Variants in CNOT10 observed in about 807,000 individuals in gnomAD.
CNOT10 encodes CCR4-NOT transcription complex subunit 10.
CNOT10 carries 30 observed loss-of-function variants against 94.6 expected under a neutral mutation model. The ratio of observed to expected loss-of-function variants is 0.32; its 90% CI spans 0.24 to 0.43. CNOT10 has a LOEUF of 0.43. Among genes scored for constraint, CNOT10 ranks in the 20% least tolerant of loss-of-function variants. The pLI is 1.00. For synonymous variants in CNOT10, 289 were observed against 301.6 expected (o/e 0.96, Z 0.43); for missense variants, 759 against 877.2 (o/e 0.87, Z 1.70).
At chr3:32,721,592 T>C (rs527525502) in intron 8 of CNOT10, among the ~76,000 whole-genome samples, 1 of 151,632 alleles carries the variant, frequency 6.6e-6, no homozygotes, top group African/African-American at 2.4e-5. Context: ...TTTAGATCAT[T>C]ACCTAGATCA....
intron 1 of CNOT10, 99 bp from the exon 2 acceptor site, chr3:32,703,769 G>T: frequency 1.3e-6 from 1 of 742,762 alleles, no homozygotes; most frequent in South Asian, 1.7e-5. Context: ...TTTCATACTT[G>T]ACCTTGGGTA....
Position 32,773,451 on chromosome 3 carries a change from T to C in CNOT10, c.2081-6T>C. 6.2e-7 allele frequency: 1 copy of C among 1,606,536 alleles called. No individual in the cohort carries two copies. ...CTTTGTTTTTTAACGGGAAGTGTTT[T>C]TATAGGTAATACTCAGCTGGCCTTA... On this transcript the variant is annotated splice_polypyrimidine_tract_variant and splice_region_variant and intron_variant, in intron 18 of 18. Transcript: ENST00000328834.
Position 32,703,363 on chromosome 3 carries a change from G to A in CNOT10, c.23-505G>A, listed in dbSNP as rs921572964. Among the ~76,000 whole-genome samples, 3 of 152,112 alleles carry A rather than the reference G, an allele frequency of 2.0e-5. No homozygotes were observed. In the East Asian group the frequency reaches 5.8e-4, roughly 29 times the overall value. On this transcript the variant is annotated intron_variant, in intron 1 of 18. Transcript: ENST00000328834. Reference sequence around the variant, plus strand: ...AAGATACATTCAGGGTCCTCCGGTGGATACTTGAAACCACAGATAGTACTG... The same window carrying A: ...AAGATACATTCAGGGTCCTCCGGTGAATACTTGAAACCACAGATAGTACTG...
chr3:32,722,277 T>G (rs1470135379), intron 8 of CNOT10, among the ~76,000 whole-genome samples: 1 of 151,552 alleles, frequency 6.6e-6, no homozygotes, highest in African/African-American at 2.4e-5. Flanking sequence ...TTCACAGGAG[T>G]GATGGAGGAT....
intron 13 of CNOT10, among the ~76,000 whole-genome samples, chr3:32,754,802 A>G (rs1041230877): frequency 6.7e-5 from 10 of 150,228 alleles, no homozygotes; most frequent in Non-Finnish European, 1.3e-4. Flanking sequence ...GATTACAGGC[A>G]TGAGCCACCG....
At chr3:32,690,429 T>A (rs911540410) in intron 1 of CNOT10, among the ~76,000 whole-genome samples, 5 of 152,174 alleles carry the variant, frequency 3.3e-5, no homozygotes, top group Admixed American at 3.3e-4. Flanking sequence ...CTTTCACCCA[T>A]GTTGGTGTGC....
In CNOT10 at chr3:32,770,302, T is replaced by C. The variant is rs553403993; in HGVS notation, c.2080+340T>C. ...GGATGACAAGCATAAGCCACCATGC[T>C]CAGCCAAGGCTGAGATTTTTTTTTT... is the stretch of plus-strand genomic sequence containing the variant. On this transcript the variant is annotated intron_variant, in intron 18 of 18. Transcript: ENST00000328834. 3.1e-4 allele frequency among the ~76,000 whole-genome samples: 46 copies of C among 147,618 alleles called. No homozygotes were observed. In the South Asian group the frequency reaches 1.0e-2, roughly 32 times the overall value.
chr3:32,694,329 G>T (rs1023448786), intron 1 of CNOT10, among the ~76,000 whole-genome samples: 12 of 151,982 alleles, frequency 7.9e-5, no homozygotes, highest in African/African-American at 2.9e-4. Context: ...TTCATCACAG[G>T]CCTTTAAAAT....
intron 8 of CNOT10, among the ~76,000 whole-genome samples, chr3:32,723,078 T>G (rs57983689): frequency 0.05 from 7,634 of 152,194 alleles, 430 homozygotes; most frequent in African/African-American, 0.13. Flanking sequence ...TGTTTTGGAA[T>G]GTTTGGGTAG....
At chr3:32,767,324 G>T (rs1270864084) in intron 17 of CNOT10, among the ~76,000 whole-genome samples, 2 of 152,074 alleles carry the variant, frequency 1.3e-5, no homozygotes, top group Admixed American at 1.3e-4. Flanking sequence ...TTCGAGACCA[G>T]CCTTACCAAC....
At chr3:32,749,776 C>T (rs567182818) in intron 13 of CNOT10, among the ~76,000 whole-genome samples, 31 of 151,850 alleles carry the variant, frequency 2.0e-4, no homozygotes, top group African/African-American at 6.8e-4. Context: ...TTGCATACTA[C>T]GATCTTGTTA....
intron 8 of CNOT10, among the ~76,000 whole-genome samples, chr3:32,721,429 C>CTTTTTTTTTTTT (rs58351356): frequency 1.4e-5 from 1 of 72,590 alleles, no homozygotes; most frequent in Non-Finnish European, 2.4e-5. Flanking sequence ...TTTCTTTCAT[C>CTTTTTTTTTTTT]TTTTTTTTTT....
chr3:32,686,152 T>C (rs1437460224), intron 1 of CNOT10, among the ~76,000 whole-genome samples: 4 of 152,182 alleles, frequency 2.6e-5, no homozygotes, highest in Admixed American at 6.5e-5. Context: ...TTACTTAATC[T>C]CAATGGTTTT....
chr3:32,708,873 T>G (rs1467656821), intron 4 of CNOT10, 53 bp downstream of exon 4: 2 of 1,464,558 alleles, frequency 1.4e-6, no homozygotes, highest in Non-Finnish European at 1.9e-6. Flanking sequence ...ACTTGCAGAA[T>G]TCTCTGGTAC....
chr3:32,769,533 C>A (rs1700805692), intron 17 of CNOT10: 1 of 196,796 alleles, frequency 5.1e-6, no homozygotes, highest in Non-Finnish European at 1.1e-5. Context: ...TGACAACTTA[C>A]AGTTTGTAAT....
At chr3:32,739,307 T>C (rs1699343580) in intron 13 of CNOT10, among the ~76,000 whole-genome samples, 1 of 152,234 alleles carries the variant, frequency 6.6e-6, no homozygotes, top group Non-Finnish European at 1.5e-5. Context: ...TTTCAGAGAA[T>C]AGACTTCTAC....
Position 32,763,661 on chromosome 3 carries a change from A to T in CNOT10, c.1841-794A>T, listed in dbSNP as rs572837424. Among the ~76,000 whole-genome samples the T allele has an allele frequency of 2.6e-5, 4 of 152,228 alleles. 1 individual carries two copies. The highest frequency in any genetic ancestry group is 7.2e-5 in the African/African-American group (3 of 41,548). On this transcript the variant is annotated intron_variant, in intron 15 of 18. Coordinates refer to ENST00000328834, the MANE Select transcript of CNOT10 (RefSeq NM_015442.3). ...CAAGACTCTGTCTGAAGAAAAAAAA[A>T]AAATTAAATAATTAAAGCTATGTGA...
chr3:32,708,868 C>A lies in CNOT10; in HGVS notation c.430+48C>A, dbSNP rs1697744808. On this transcript the variant is annotated intron_variant, in intron 4 of 18. Transcript: ENST00000328834. The stretch of plus-strand genomic sequence containing the variant: ...AATTTCCCTATCTTCCCTATACTTG[C>A]AGAATTCTCTGGTACTTTTACCTAG... 8 of 1,494,806 alleles carry A rather than the reference C, an allele frequency of 5.4e-6. No homozygotes were observed. In the East Asian group the frequency reaches 1.4e-4, roughly 26 times the overall value. The allele number at this position is 1,494,806 out of a possible 1,614,324, so 92.6% of individuals were successfully genotyped here.
chr3:32,771,618 A>G (rs1410089202), intron 18 of CNOT10, among the ~76,000 whole-genome samples: 1 of 151,998 alleles, frequency 6.6e-6, no homozygotes, highest in Non-Finnish European at 1.5e-5. Flanking sequence ...ATAATAATAA[A>G]TACCTATATC....
Sources: allele counts gnomAD v4.1 joint callset (sites outside exome capture counted in the v4.1 genomes callset), GRCh38; gene constraint gnomAD v4.1.1; transcripts MANE v1.5; gene names NCBI Gene and HGNC (gene_info 2026-07-23, HGNC 2026-07-21).